Variants in AFF1 observed in about 807,000 individuals in gnomAD.
AFF1 encodes the protein AF4/FMR2 family member 1.
A neutral mutation model predicts 121.7 loss-of-function variants in AFF1; 48 were observed. That is an observed-to-expected ratio of 0.39 (90% confidence interval 0.31 to 0.50). AFF1 has a LOEUF of 0.50. AFF1 is among the 20% of genes least tolerant of loss of function. AFF1 has a pLI of 0.76. For missense variants in AFF1, 1,523 were observed against 1,511.7 expected (o/e 1.01, Z -0.12); for synonymous variants, 613 against 563.0 (o/e 1.09, Z -1.26).
chr4:87,137,418 A>C lies in AFF1; in HGVS notation c.*1717A>C, dbSNP rs1476146757. 2 of 230,812 alleles carry C rather than the reference A, an allele frequency of 8.7e-6. No homozygotes were observed. The allele number at this position is 230,812 out of a possible 1,614,324, so 14.3% of individuals were successfully genotyped here. A position where few individuals can be genotyped will look rare whatever the true frequency, so the allele number is the denominator to read the frequency against. ...GTGTCGAGGGATGGGAGCGATGCTT[A>C]TCTCTCACAGTGTGAGTGGTCTGTG... is the stretch of plus-strand genomic sequence containing the variant. On this transcript the variant is annotated 3_prime_UTR_variant, in exon 21 of 21. Transcript: ENST00000395146.
intron 2 of AFF1, among the ~76,000 whole-genome samples, chr4:86,977,370 A>G (rs1723380821): frequency 6.6e-6 from 1 of 152,312 alleles, no homozygotes; most frequent in Non-Finnish European, 1.5e-5. Context: ...TGCAATTTAA[A>G]ACTTATGAAT....
At chr4:87,007,042 C>A in intron 2 of AFF1, 1 of 1,180,078 alleles carries the variant, frequency 8.5e-7, no homozygotes, top group Non-Finnish European at 1.1e-6. Flanking sequence ...GCTGGGCAGG[C>A]GTTGGGCGCC....
chr4:87,048,887 G>A (rs1354415546), intron 4 of AFF1, among the ~76,000 whole-genome samples: 1 of 152,114 alleles, frequency 6.6e-6, no homozygotes, highest in Non-Finnish European at 1.5e-5. Context: ...AAGATTTAAT[G>A]CACTGAGCCA....
Position 87,115,046 on chromosome 4 carries a change from A to G in AFF1, c.2213A>G (p.Gln738Arg). Residue 738 changes from glutamine to arginine, a missense_variant, in exon 12 of 21, where the codon CAG becomes CGG. Physicochemically the swap from Gln to Arg is conservative, Grantham distance 43. Transcript: ENST00000395146. ...GGCTGCCGCCAAGCCGTGGTGGTCC[A>G]GGAGGACAGCCGCAAAGACAGACTC... Reference protein sequence around the residue: ...TSGCRQAVVVQEDSRKDRLPL... With the variant: ...TSGCRQAVVVREDSRKDRLPL... The G allele has an allele frequency of 2.5e-6, 4 of 1,614,186 alleles. No individual in the cohort carries two copies. The highest frequency in any genetic ancestry group is 2.5e-6 in the Non-Finnish European group (3 of 1,180,034).
intron 2 of AFF1, among the ~76,000 whole-genome samples, chr4:87,032,745 C>T (rs1001329672): frequency 1.2e-4 from 19 of 152,134 alleles, no homozygotes; most frequent in African/African-American, 4.3e-4. Flanking sequence ...ATATACTCTC[C>T]CATGATAGAA....
intron 2 of AFF1, among the ~76,000 whole-genome samples, chr4:87,003,347 A>G (rs1191342729): frequency 1.3e-5 from 2 of 152,190 alleles, no homozygotes. Flanking sequence ...CACTGCAGCC[A>G]TGAAGTCCTG....
chr4:87,006,962 C>G, intron 2 of AFF1: 1 of 1,038,564 alleles, frequency 9.6e-7, no homozygotes, highest in Non-Finnish European at 1.2e-6. Context: ...TCCCGGCGGA[C>G]TCGGACAACT....
chr4:86,987,590 A>G (rs1053757483), intron 2 of AFF1, among the ~76,000 whole-genome samples: 1 of 152,312 alleles, frequency 6.6e-6, no homozygotes, highest in South Asian at 2.1e-4. Context: ...ACCAGAAGCA[A>G]TAACCACCAG....
chr4:86,955,686 G>A (rs956294639), intron 2 of AFF1, among the ~76,000 whole-genome samples: 8 of 152,162 alleles, frequency 5.3e-5, no homozygotes, highest in Non-Finnish European at 1.0e-4. Flanking sequence ...TGAAGTAAAT[G>A]TCATTTCAGG....
intron 4 of AFF1, among the ~76,000 whole-genome samples, chr4:87,082,181 A>G (rs971209459): frequency 1.3e-5 from 2 of 152,180 alleles, no homozygotes; most frequent in African/African-American, 4.8e-5. Flanking sequence ...CAGCACAGTC[A>G]TGTGCTTGTT....
chr4:87,099,290 G>A (rs1002004956), intron 8 of AFF1, among the ~76,000 whole-genome samples: 15 of 152,114 alleles, frequency 9.9e-5, no homozygotes, highest in Admixed American at 3.3e-4. Context: ...CAGTTCTTCC[G>A]CTTCCCAAAA....
intron 2 of AFF1, among the ~76,000 whole-genome samples, chr4:86,969,588 A>AAG (rs1560508157): frequency 6.8e-6 from 1 of 147,464 alleles, no homozygotes; most frequent in South Asian, 2.2e-4. Flanking sequence ...AAAAAAAAAA[A>AAG]GGGTAAGATA....
chr4:87,011,221 G>A (rs748440786), intron 2 of AFF1, among the ~76,000 whole-genome samples: 5 of 152,162 alleles, frequency 3.3e-5, no homozygotes, highest in Non-Finnish European at 5.9e-5. Context: ...TCTGGTGGCT[G>A]AGCACGGAGC....
At chr4:87,027,234 A>G (rs1728613034) in intron 2 of AFF1, among the ~76,000 whole-genome samples, 1 of 152,234 alleles carries the variant, frequency 6.6e-6, no homozygotes, top group Non-Finnish European at 1.5e-5. Context: ...TCTCTACTAG[A>G]TTGCTTGTAG....
intron 2 of AFF1, among the ~76,000 whole-genome samples, chr4:86,960,252 C>G (rs1722053326): frequency 6.6e-6 from 1 of 152,182 alleles, no homozygotes; most frequent in Non-Finnish European, 1.5e-5. Flanking sequence ...TACCCTGAAT[C>G]TCAAACACTA....
intron 19 of AFF1, among the ~76,000 whole-genome samples, chr4:87,132,921 T>G (rs1422581775): frequency 6.6e-6 from 1 of 152,232 alleles, no homozygotes; most frequent in Admixed American, 6.5e-5. Flanking sequence ...ATCGAACTTG[T>G]CACCTCAAAT....
chr4:87,089,913 C>G, intron 5 of AFF1, 71 bp from the exon 6 acceptor site: 2 of 1,171,628 alleles, frequency 1.7e-6, no homozygotes, highest in African/African-American at 1.5e-5. Context: ...ACATTAAGTT[C>G]AAAATGTTAA....
chr4:87,129,869 A>T (rs1283472778), intron 16 of AFF1, among the ~76,000 whole-genome samples: 1 of 152,172 alleles, frequency 6.6e-6, no homozygotes, highest in African/African-American at 2.4e-5. Flanking sequence ...AGAGTGCAGC[A>T]GCATGCCTAA....
In AFF1 at chr4:87,068,258, C is replaced by CCCCT; in HGVS notation, c.1060-15859_1060-15858insTCCC. The stretch of plus-strand genomic sequence containing the variant: ...GGCTATAATGTAAGCATGAAAATTG[C>CCCCT]CCCCCCCCCACTCCATGAATAAATT... On this transcript the variant is annotated intron_variant, in intron 4 of 20. Coordinates refer to ENST00000395146, the MANE Select transcript of AFF1 (RefSeq NM_001166693.3). Among the ~76,000 whole-genome samples, 2 of 7,518 alleles carry CCCCT rather than the reference C, an allele frequency of 2.7e-4. 1 individual carries two copies. The highest frequency in any genetic ancestry group is 5.9e-4 in the Non-Finnish European group (2 of 3,402). 4.9% of individuals were successfully genotyped at this position (7,518 alleles called of 152,430 possible).
Sources: allele counts gnomAD v4.1 joint callset (sites outside exome capture counted in the v4.1 genomes callset), GRCh38; gene constraint gnomAD v4.1.1; transcripts MANE v1.5; gene names NCBI Gene and HGNC (gene_info 2026-07-23, HGNC 2026-07-21).